Variants in AIG1 observed in about 807,000 individuals in gnomAD.
AIG1 encodes the protein androgen induced 1, also known as androgen-induced gene 1 protein.
Under a neutral mutation model 31.4 loss-of-function variants are expected in AIG1, and 23 were observed. The ratio of observed to expected loss-of-function variants is 0.73; its 90% confidence interval spans 0.53 to 1.04. The LOEUF is 1.04. Among genes scored for constraint, AIG1 ranks in the 50% least tolerant of loss-of-function variants. The pLI is 0.00. For missense variants in AIG1, 274 were observed against 295.0 expected, an observed-to-expected ratio of 0.93 and a Z score of 0.52; for synonymous variants, 100 against 110.5, an observed-to-expected ratio of 0.90 and a Z score of 0.60.
intron 4 of AIG1, among the ~76,000 whole-genome samples, chr6:143,304,642 G>A (rs1799110920): frequency 6.6e-6 from 1 of 151,648 alleles, no homozygotes; most frequent in African/African-American, 2.4e-5. Context: ...ATTTTATTGA[G>A]GATTTTTGCA....
chr6:143,289,325 T>G (rs995052467), intron 4 of AIG1, among the ~76,000 whole-genome samples: 63 of 152,304 alleles, frequency 4.1e-4, no homozygotes, highest in African/African-American at 1.5e-3. Context: ...ATGTGGAATC[T>G]TATTGCCCCA....
At chr6:143,335,212 T>A in intron 5 of AIG1, 1 of 1,160,450 alleles carries the variant, frequency 8.6e-7, no homozygotes. Flanking sequence ...CATCGTGGAA[T>A]TTTTGTTTTT....
chr6:143,114,214 A>G (rs1781549807), intron 1 of AIG1, among the ~76,000 whole-genome samples: 1 of 152,258 alleles, frequency 6.6e-6, no homozygotes, highest in Non-Finnish European at 1.5e-5. Flanking sequence ...TGAGCTTTCA[A>G]AACACATATC....
chr6:143,215,548 G>A (rs1791964489), intron 3 of AIG1, among the ~76,000 whole-genome samples: 1 of 152,262 alleles, frequency 6.6e-6, no homozygotes, highest in African/African-American at 2.4e-5. Context: ...ACTGTTTAAC[G>A]AGAGCTGACT....
chr6:143,105,590 A>G (rs1298923177), intron 1 of AIG1, among the ~76,000 whole-genome samples: 3 of 152,260 alleles, frequency 2.0e-5, no homozygotes, highest in African/African-American at 7.2e-5. Flanking sequence ...TGTGTCCACA[A>G]GCACAGTCCT....
intron 3 of AIG1, among the ~76,000 whole-genome samples, chr6:143,261,958 T>C (rs1795808890): frequency 6.6e-6 from 1 of 152,252 alleles, no homozygotes; most frequent in Non-Finnish European, 1.5e-5. Context: ...TTTCTCTTAA[T>C]GATTATCTTT....
At chr6:143,322,886 G>A (rs993750493) in intron 4 of AIG1, among the ~76,000 whole-genome samples, 2 of 152,156 alleles carry the variant, frequency 1.3e-5, no homozygotes, top group South Asian at 2.1e-4. Flanking sequence ...CATGTGAGAA[G>A]TACAGAAAAA....
chr6:143,284,344 C>A lies in AIG1; in HGVS notation c.515+119C>A. 1.5e-6 allele frequency: 1 copy of A among 685,620 alleles called. No individual in the cohort carries two copies. Among genetic ancestry groups the A allele is most frequent in the South Asian group, 2.0e-5 (1 of 49,244 alleles). 42.5% of individuals were successfully genotyped at this position (685,620 alleles called of 1,614,324 possible). Reference sequence around the variant, plus strand: ...ATTCACGCTGTGTGCCGCATTTGGTCCAAGACCTGGGCTTTGTCTCGTTTC... The same window carrying A: ...ATTCACGCTGTGTGCCGCATTTGGTACAAGACCTGGGCTTTGTCTCGTTTC... On this transcript the variant is annotated intron_variant, in intron 4 of 5. Transcript: ENST00000357847. The surrounding 1 kb of genome is among the most constrained non-coding windows in gnomAD (Gnocchi z 4.4).
intron 3 of AIG1, among the ~76,000 whole-genome samples, chr6:143,204,534 C>G (rs79952091): frequency 0.012 from 1,871 of 152,216 alleles, 37 homozygotes; most frequent in African/African-American, 0.043. Flanking sequence ...TTCATAAGCC[C>G]TAGCCTCAGA....
At chr6:143,300,120 G>A (rs1005812317) in intron 4 of AIG1, among the ~76,000 whole-genome samples, 3 of 152,146 alleles carry the variant, frequency 2.0e-5, no homozygotes, top group African/African-American at 4.8e-5. Flanking sequence ...GTGAATGAGT[G>A]GTGCATACTT....
At chr6:143,335,241 T>C (rs988602888) in intron 5 of AIG1, 5 of 903,472 alleles carry the variant, frequency 5.5e-6, no homozygotes, top group South Asian at 5.0e-5. Context: ...ATTTTAAAAT[T>C]GGGTGATTTT....
chr6:143,184,402 C>T (rs947350765), intron 3 of AIG1, among the ~76,000 whole-genome samples: 11 of 152,336 alleles, frequency 7.2e-5, no homozygotes, highest in East Asian at 1.9e-4. Flanking sequence ...CCAGCTACCC[C>T]GTGGGCATCA....
intron 3 of AIG1, among the ~76,000 whole-genome samples, chr6:143,215,566 G>T (rs1791965424): frequency 6.6e-6 from 1 of 152,176 alleles, no homozygotes; most frequent in Non-Finnish European, 1.5e-5. Flanking sequence ...ACTCATCAAG[G>T]AGGAGCCCTC....
chr6:143,309,978 G>A (rs1775134254), intron 4 of AIG1, among the ~76,000 whole-genome samples: 1 of 151,834 alleles, frequency 6.6e-6, no homozygotes, highest in African/African-American at 2.4e-5. Context: ...CATAACAACA[G>A]AGCATAAAAA....
At chr6:143,206,474 A>T (rs912265173) in intron 3 of AIG1, among the ~76,000 whole-genome samples, 4 of 152,232 alleles carry the variant, frequency 2.6e-5, no homozygotes, top group Non-Finnish European at 5.9e-5. Flanking sequence ...TAACAGAAAG[A>T]CAAATCCAAC....
In AIG1 at chr6:143,069,627, G is replaced by T. The variant is rs1777067818; in HGVS notation, c.141+8561G>T. Among the ~76,000 whole-genome samples the T allele has an allele frequency of 1.3e-5, 2 of 152,158 alleles. 1 individual carries two copies. Among genetic ancestry groups the T allele is most frequent in the South Asian group, 4.1e-4 (2 of 4,822 alleles). ...TTTTAATAATATATTCATGTTCTTT[G>T]TGAAGTTTGCCCATTTAAAAAATAC... On this transcript the variant is annotated intron_variant, in intron 1 of 5. Coordinates refer to ENST00000357847, the MANE Select transcript of AIG1 (RefSeq NM_016108.4).
chr6:143,117,233 G>A (rs1173561376), intron 1 of AIG1, among the ~76,000 whole-genome samples: 1 of 152,102 alleles, frequency 6.6e-6, no homozygotes, highest in East Asian at 1.9e-4. Flanking sequence ...AGGGGGAAGT[G>A]GCAGTGGCAG....
At chr6:143,086,224 C>T (rs1182391953) in intron 1 of AIG1, among the ~76,000 whole-genome samples, 2 of 152,176 alleles carry the variant, frequency 1.3e-5, no homozygotes, top group Non-Finnish European at 2.9e-5. Context: ...CTTGTTTACA[C>T]TGACAACAAG....
At position 143,325,953 on chromosome 6, in the gene AIG1, T is replaced by C. The variant is rs1583878384; in HGVS notation, c.516-7329T>C. Among the ~76,000 whole-genome samples, 1 of 152,340 alleles carries C rather than the reference T, an allele frequency of 6.6e-6. No individual in the cohort carries two copies. Among genetic ancestry groups the C allele is most frequent in the East Asian group, 1.9e-4 (1 of 5,188 alleles). ...CCCACCATGGCTGAATTCAAGCTAC[T>C]GACCAACCAGCTTGCAAACCACCTA... On this transcript the variant is annotated intron_variant, in intron 4 of 5. Transcript: ENST00000357847. The surrounding 1 kb of genome is among the most constrained non-coding windows in gnomAD (Gnocchi z 4.3).
Sources: allele counts gnomAD v4.1 joint callset (sites outside exome capture counted in the v4.1 genomes callset), GRCh38; gene constraint gnomAD v4.1.1; non-coding constraint Gnocchi (gnomAD v3.1); transcripts MANE v1.5; gene names NCBI Gene and HGNC (gene_info 2026-07-23, HGNC 2026-07-21).